The following LIN54 variants were observed in gnomAD, a reference collection of about 807,000 sequenced individuals.
LIN54 encodes lin-54 DREAM MuvB core complex component, also known as protein lin-54 homolog.
In LIN54, 9 loss-of-function variants were observed where a neutral mutation model predicts 78.7. The ratio of observed to expected loss-of-function variants is 0.11; its 90% CI spans 0.07 to 0.20. LIN54 has a LOEUF of 0.20. Ranked by LOEUF, LIN54 falls within the 10% of genes least tolerant of loss-of-function variation. The pLI, the probability that LIN54 is intolerant of heterozygous loss-of-function variation, is 1.00. For synonymous variants in LIN54, 269 were observed against 318.4 expected (o/e 0.84, Z 1.65); for missense variants, 573 against 889.9 (o/e 0.64, Z 4.53).
In LIN54 at chr4:82,954,399, ATTAT is replaced by A. The variant is rs10523473; in HGVS notation, c.952-7929_952-7926del. Among the ~76,000 whole-genome samples, 1,017 of 145,364 alleles carry A rather than the reference ATTAT, an allele frequency of 7.0e-3. 11 individuals are homozygous for A. Among genetic ancestry groups the A allele is most frequent in the African/African-American group, 0.022 (878 of 39,572 alleles). On this transcript the variant is annotated intron_variant, in intron 4 of 12. Transcript: ENST00000340417. ...TTTTAAAAATACAAATTTATATGAG[ATTAT>A]TTATTTATTTATTTATTTATTTATT...
chr4:82,999,545 G>A (rs1484840110), intron 1 of LIN54, among the ~76,000 whole-genome samples: 1 of 151,918 alleles, frequency 6.6e-6, no homozygotes, highest in African/African-American at 2.4e-5. Flanking sequence ...GGGAGGCTGA[G>A]GCAGGCAGAT....
chr4:82,951,129 G>A (rs146248773), intron 4 of LIN54, among the ~76,000 whole-genome samples: 2 of 152,156 alleles, frequency 1.3e-5, no homozygotes, highest in South Asian at 2.1e-4. Flanking sequence ...AAACCTAGCA[G>A]GAAACAAATT....
At chr4:82,985,672 C>T (rs1727070531) in intron 1 of LIN54, among the ~76,000 whole-genome samples, 1 of 152,218 alleles carries the variant, frequency 6.6e-6, no homozygotes, top group Non-Finnish European at 1.5e-5. Flanking sequence ...TCCTGAGTAG[C>T]TGGAATTACA....
intron 1 of LIN54, among the ~76,000 whole-genome samples, chr4:82,993,700 C>T (rs1314935108): frequency 6.6e-6 from 1 of 152,008 alleles, no homozygotes; most frequent in East Asian, 1.9e-4. Context: ...TCACTTCAAC[C>T]TCTGCTTCCC....
intron 1 of LIN54, among the ~76,000 whole-genome samples, chr4:82,992,365 T>C (rs576440071): frequency 3.3e-4 from 50 of 152,304 alleles, no homozygotes; most frequent in African/African-American, 1.2e-3. Context: ...AGATTATCCA[T>C]TTTATTGACC....
chr4:82,972,721 G>A (rs760678375), intron 3 of LIN54, among the ~76,000 whole-genome samples: 13 of 152,086 alleles, frequency 8.5e-5, no homozygotes, highest in South Asian at 4.1e-4. Context: ...AGTGGCTCAC[G>A]CCTGTAATCC....
rs905778369 is a variant in LIN54, at chr4:82,938,449, G to C, written c.1496C>G (p.Ser499Cys). Reference sequence around the variant, plus strand: ...AAGCCGTGCCTGGGTCTGGATACCAGATGTTCCAGTAAAGGTAGAGTTGCT... The same window carrying C: ...AAGCCGTGCCTGGGTCTGGATACCACATGTTCCAGTAAAGGTAGAGTTGCT... Reference protein sequence around the residue: ...IASNSTFTGTSGIQTQARLPF... With the variant: ...IASNSTFTGTCGIQTQARLPF... The change falls in exon 8 of 13, where the codon TCT becomes TGT. Residue 499 changes from serine to cysteine, a missense_variant. Around this residue, in one of 6 missense-constraint regions of LIN54, gnomAD observed 101 missense variants for 194.2 expected, o/e 0.52. Transcript: ENST00000340417. The C allele has an allele frequency of 3.1e-6, 5 of 1,611,750 alleles. No homozygotes were observed. Among genetic ancestry groups the C allele is most frequent in the Non-Finnish European group, 4.2e-6 (5 of 1,177,880 alleles).
intron 4 of LIN54, among the ~76,000 whole-genome samples, chr4:82,969,796 T>C (rs913815499): frequency 1.3e-5 from 2 of 152,202 alleles, no homozygotes; most frequent in Admixed American, 6.5e-5. Flanking sequence ...GTGAGTTAGA[T>C]GACTTACTTT....
chr4:82,967,720 C>T (rs1725317283), intron 4 of LIN54, among the ~76,000 whole-genome samples: 1 of 152,212 alleles, frequency 6.6e-6, no homozygotes, highest in Non-Finnish European at 1.5e-5. Context: ...AAAAAACCAT[C>T]CTGAGTGAAT....
chr4:82,939,021 G>A (rs565681507), intron 7 of LIN54, among the ~76,000 whole-genome samples: 1 of 152,280 alleles, frequency 6.6e-6, no homozygotes, highest in South Asian at 2.1e-4. Flanking sequence ...GTTCCAAAGT[G>A]TATTTCATTA....
chr4:82,960,524 C>T (rs921751949), intron 4 of LIN54, among the ~76,000 whole-genome samples: 1 of 151,628 alleles, frequency 6.6e-6, no homozygotes, highest in Non-Finnish European at 1.5e-5. Context: ...GCCTCAACCT[C>T]CTGGGCTCAA....
Position 82,930,638 on chromosome 4 carries a change from G to A in LIN54, c.2048+305C>T, listed in dbSNP as rs143881043. On this transcript the variant is annotated intron_variant, in intron 12 of 12. Coordinates refer to ENST00000340417, the MANE Select transcript of LIN54 (RefSeq NM_194282.4). Reference sequence around the variant, plus strand: ...GGAAAATGCAAAAACATAATTACACGTTCAGCGAGACATATGAACATCTGC... The same window carrying A: ...GGAAAATGCAAAAACATAATTACACATTCAGCGAGACATATGAACATCTGC... Among the ~76,000 whole-genome samples the A allele has an allele frequency of 3.2e-4, 48 of 152,274 alleles. 1 individual carries two copies. In the Middle Eastern group the frequency reaches 0.017, roughly 54 times the overall value.
chr4:82,944,859 TTGTTG>T (rs1018978094), intron 5 of LIN54: 1 of 152,358 alleles, frequency 6.6e-6, no homozygotes, highest in African/African-American at 2.4e-5. Flanking sequence ...GATCTCTTTT[TTGTTG>T]TGTTTTGTTT....
At position 82,984,677 on chromosome 4, in the gene LIN54, A is replaced by G. The variant is rs761525797; in HGVS notation, c.168T>C (p.Ser56=). 2 of 1,614,230 alleles carry G rather than the reference A, an allele frequency of 1.2e-6. No homozygotes were observed. Among genetic ancestry groups the G allele is most frequent in the East Asian group, 2.2e-5 (1 of 44,880 alleles). Residue 56 remains serine (S), a synonymous_variant, in exon 2 of 13, where the codon TCT becomes TCC. Transcript: ENST00000340417. ...GTTCCGTGGAAATGGGCGTGGCTGT[A>G]GAGTCACCAGTAGAATTTATGTTGA... ...EIVNINSTGD[S]TATPISTEPI...
At chr4:82,949,069 C>A (rs930396122) in intron 4 of LIN54, among the ~76,000 whole-genome samples, 1 of 152,112 alleles carries the variant, frequency 6.6e-6, no homozygotes, top group Non-Finnish European at 1.5e-5. Context: ...GTTCTATTTT[C>A]AATTTCTTTA....
rs781109111 is a variant in LIN54, at chr4:82,996,112, C to T, written c.-32-11236G>A. ...GTGAGCCGAAATCATGAGCAAAACT[C>T]CATCTCAAAAAAAAAGAGAAAGTTT... On this transcript the variant is annotated intron_variant, in intron 1 of 12. Transcript: ENST00000340417. Among the ~76,000 whole-genome samples, 35 of 151,724 alleles carry T rather than the reference C, an allele frequency of 2.3e-4. 1 individual carries two copies. The highest frequency in any genetic ancestry group is 4.0e-4 in the Non-Finnish European group (27 of 67,886).
intron 4 of LIN54, among the ~76,000 whole-genome samples, chr4:82,946,916 T>C (rs1412413458): frequency 6.6e-6 from 1 of 152,032 alleles, no homozygotes; most frequent in Non-Finnish European, 1.5e-5. Flanking sequence ...TCCCATGTTC[T>C]GTATGTTTTG....
chr4:82,973,758 T>A (rs995739216), intron 3 of LIN54, among the ~76,000 whole-genome samples: 2 of 152,144 alleles, frequency 1.3e-5, no homozygotes, highest in Admixed American at 6.5e-5. Context: ...TAAACTAAGA[T>A]GAACAAAATA....
In LIN54 at chr4:83,005,323, T is replaced by C. The variant is rs1729252823; in HGVS notation, c.-33+5161A>G. Among the ~76,000 whole-genome samples, 3 of 152,000 alleles carry C rather than the reference T, an allele frequency of 2.0e-5. No individual in the cohort carries two copies. The South Asian group carries it at 6.2e-4, about 32-fold the overall frequency. On this transcript the variant is annotated intron_variant, in intron 1 of 12. Transcript: ENST00000340417. ...TTTTTTTTCCTTTAAAAGGGAACTG[T>C]AAATTGCTATTATTAAAAAATCAAA...
Sources: allele counts gnomAD v4.1 joint callset (sites outside exome capture counted in the v4.1 genomes callset), GRCh38; gene constraint gnomAD v4.1.1; regional missense constraint gnomAD v4.1.1; transcripts MANE v1.5; gene names NCBI Gene and HGNC (gene_info 2026-07-23, HGNC 2026-07-21).